Variants in UGT3A2 observed in about 807,000 individuals in gnomAD.
UGT3A2 encodes the protein UDP-glycosyltransferase 3A2.
Under a neutral mutation model 39.8 loss-of-function variants are expected in UGT3A2, and 32 were observed. The observed-to-expected ratio is 0.80, with a 90% CI of 0.61 to 1.08. UGT3A2 has a LOEUF of 1.08. UGT3A2 is among the 50% of genes least tolerant of loss of function. The pLI, the probability that UGT3A2 is intolerant of heterozygous loss-of-function variation, is 0.00. For synonymous variants in UGT3A2, 241 were observed against 230.7 expected (o/e 1.04, Z -0.40); for missense variants, 611 against 637.1 (o/e 0.96, Z 0.44).
intron 2 of UGT3A2, among the ~76,000 whole-genome samples, chr5:36,055,595 T>C (rs1004266543): frequency 1.2e-4 from 19 of 152,320 alleles, no homozygotes; most frequent in African/African-American, 4.3e-4. Flanking sequence ...CACCTCATCA[T>C]CCTTTTAATA....
chr5:36,064,134 T>C lies in UGT3A2; in HGVS notation c.196+115A>G, dbSNP rs1277302869. ...TTACATACACACACACACAAGCTTT[T>C]CATCCTTCCAATTGAATTAGATTTT... On this transcript the variant is annotated intron_variant, in intron 2 of 6. Transcript: ENST00000282507. 8 of 966,956 alleles carry C rather than the reference T, an allele frequency of 8.3e-6. No individual in the cohort carries two copies. The East Asian group carries it at 2.1e-4, about 25-fold the overall frequency. The allele number at this position is 966,956 out of a possible 1,614,324, so 59.9% of individuals were successfully genotyped here. A position where few individuals can be genotyped will look rare whatever the true frequency, so the allele number is the denominator to read the frequency against.
intron 4 of UGT3A2, among the ~76,000 whole-genome samples, chr5:36,047,660 T>G (rs2111724091): frequency 6.6e-6 from 1 of 152,142 alleles, no homozygotes; most frequent in African/African-American, 2.4e-5. Flanking sequence ...AAACATAATT[T>G]TTTTTAAGTG....
At position 36,035,527 on chromosome 5, in the gene UGT3A2, G is replaced by A; in HGVS notation, c.*171C>T. 3.1e-6 allele frequency: 3 copies of A among 975,024 alleles called. No homozygotes were observed. Among genetic ancestry groups the A allele is most frequent in the Non-Finnish European group, 4.5e-6 (3 of 670,054 alleles). 60.4% of individuals were successfully genotyped at this position (975,024 alleles called of 1,614,324 possible). ...GGCAGGAGCTAGTAAGGATGAATTTGTAGCAAAATTAGCAAGTGGAAAGGA... is the reference window on the plus strand; with the variant it reads ...GGCAGGAGCTAGTAAGGATGAATTTATAGCAAAATTAGCAAGTGGAAAGGA... On this transcript the variant is annotated 3_prime_UTR_variant, in exon 7 of 7. Transcript: ENST00000282507.
At chr5:36,050,439 G>A (rs553189332) in intron 3 of UGT3A2, among the ~76,000 whole-genome samples, 13 of 152,332 alleles carry the variant, frequency 8.5e-5, no homozygotes, top group Non-Finnish European at 1.5e-4. Context: ...TGACACACCT[G>A]TAACCTGTAC....
intron 2 of UGT3A2, among the ~76,000 whole-genome samples, chr5:36,054,725 T>C (rs1742452698): frequency 6.6e-6 from 1 of 152,180 alleles, no homozygotes; most frequent in Non-Finnish European, 1.5e-5. Context: ...CCAAGACATT[T>C]TGACTCCAAC....
chr5:36,037,393 G>A (rs1741863644), intron 6 of UGT3A2, among the ~76,000 whole-genome samples: 1 of 152,154 alleles, frequency 6.6e-6, no homozygotes, highest in African/African-American at 2.4e-5. Flanking sequence ...CAACAAAGGA[G>A]CCAGTATGTG....
chr5:36,056,620 A>G (rs1386919594), intron 2 of UGT3A2, among the ~76,000 whole-genome samples: 1 of 152,226 alleles, frequency 6.6e-6, no homozygotes, highest in Non-Finnish European at 1.5e-5. Flanking sequence ...GTGTGACTGA[A>G]TACTCTGACC....
At chr5:36,062,627 G>A (rs1373604485) in intron 2 of UGT3A2, among the ~76,000 whole-genome samples, 1 of 152,100 alleles carries the variant, frequency 6.6e-6, no homozygotes, top group Non-Finnish European at 1.5e-5. Context: ...CCAGTACCAT[G>A]CTGTTTTGTT....
At chr5:36,055,241 C>CT (rs1262701736) in intron 2 of UGT3A2, among the ~76,000 whole-genome samples, 1 of 110,646 alleles carries the variant, frequency 9.0e-6, no homozygotes, top group East Asian at 2.4e-4. Context: ...TTTTTTTTTT[C>CT]TTTTTTTAGA....
chr5:36,039,802 T>TGAGGACAGG, intron 4 of UGT3A2, 94 bp from the exon 5 acceptor site: 2 of 966,264 alleles, frequency 2.1e-6, no homozygotes, highest in Non-Finnish European at 3.2e-6. Context: ...ACTAACACAG[T>TGAGGACAGG]GCCCTGTCCT....
rs977888808 is a variant in UGT3A2, at chr5:36,059,423, G to C, written c.196+4826C>G. On this transcript the variant is annotated intron_variant, in intron 2 of 6. Transcript: ENST00000282507. ...ATCTTTTTGTTATTTCAGGGTTTGA[G>C]AGAATTTTTTGCCCCACCTATAACA... is the stretch of plus-strand genomic sequence containing the variant. 3.5e-5 allele frequency among the ~76,000 whole-genome samples: 5 copies of C among 144,382 alleles called. No individual in the cohort carries two copies. The Admixed American group carries it at 3.5e-4, about 10-fold the overall frequency. The allele number at this position is 144,382 out of a possible 152,430, so 94.7% of individuals were successfully genotyped here. A position where few individuals can be genotyped will look rare whatever the true frequency, so the allele number is the denominator to read the frequency against.
At chr5:36,061,030 C>T (rs115889236) in intron 2 of UGT3A2, among the ~76,000 whole-genome samples, 7 of 152,120 alleles carry the variant, frequency 4.6e-5, no homozygotes, top group East Asian at 1.9e-4. Flanking sequence ...TGGTGCCCCA[C>T]GCCTAATAGC....
intron 4 of UGT3A2, among the ~76,000 whole-genome samples, chr5:36,041,924 T>C (rs1454359479): frequency 6.6e-6 from 1 of 152,002 alleles, no homozygotes. Context: ...CACCAGCAAC[T>C]AATCCTGGAG....
At chr5:36,040,389 A>G (rs1452567860) in intron 4 of UGT3A2, among the ~76,000 whole-genome samples, 2 of 152,170 alleles carry the variant, frequency 1.3e-5, no homozygotes, top group Non-Finnish European at 2.9e-5. Flanking sequence ...TCCACAAGAA[A>G]ACACCTTCAT....
rs1425024471 is a variant in UGT3A2, at chr5:36,064,246, T to C, written c.196+3A>G. The C allele has an allele frequency of 1.9e-6, 3 of 1,613,316 alleles. No individual in the cohort carries two copies. Among genetic ancestry groups the C allele is most frequent in the East Asian group, 2.2e-5 (1 of 44,892 alleles). On this transcript the variant is annotated splice_donor_region_variant and intron_variant, in intron 2 of 6. Coordinates refer to ENST00000282507, the MANE Select transcript of UGT3A2 (RefSeq NM_174914.4). ...AGAAATCAAGAAAAGTGAGAAAAGA[T>C]ACCTGGCATAAAAGGACCTCTTTTG...
intron 4 of UGT3A2, 97 bp from the exon 5 acceptor site, chr5:36,039,805 C>A: frequency 2.2e-6 from 2 of 918,138 alleles, no homozygotes; most frequent in Non-Finnish European, 3.4e-6. Flanking sequence ...AACACAGTGC[C>A]CTGTCCTCAC....
chr5:36,037,581 G>T (rs981092089), intron 6 of UGT3A2, among the ~76,000 whole-genome samples: 1 of 152,138 alleles, frequency 6.6e-6, no homozygotes, highest in Non-Finnish European at 1.5e-5. Context: ...GAAAAGGTAG[G>T]AAGTGATTCT....
At chr5:36,054,408 A>G (rs1241908289) in intron 2 of UGT3A2, among the ~76,000 whole-genome samples, 4 of 152,188 alleles carry the variant, frequency 2.6e-5, no homozygotes, top group Admixed American at 2.0e-4. Flanking sequence ...AAATGTATTC[A>G]TCTTGTCCCA....
rs931681470 is a variant in UGT3A2 at position 36,039,524 on chromosome 5, G to A, written c.1028C>T (p.Ala343Val). ...CCAGTCCACAATTTTCACATTTGCA[G>A]CCAGGTGGACATCTTTGGGCCAATG... ...CSHWPKDVHL[A>V]ANVKIVDWLP... Residue 343 changes from alanine (A) to valine (V), a missense_variant, in exon 5 of 7, where the codon GCT (alanine) becomes GTT (valine). Transcript: ENST00000282507. 3.7e-6 allele frequency: 6 copies of A among 1,614,062 alleles called. No homozygotes were observed. In the African/African-American group the frequency reaches 6.7e-5, roughly 18 times the overall value.
Sources: gnomAD v4.1 joint callset for allele counts (sites outside exome capture counted in the v4.1 genomes callset) on GRCh38, gnomAD v4.1.1 for gene constraint, MANE v1.5 for transcripts, NCBI Gene and HGNC (gene_info 2026-07-23, HGNC 2026-07-21) for gene names.